Variants in MACROD2 observed in about 807,000 individuals in gnomAD.
MACROD2 encodes the protein mono-ADP ribosylhydrolase 2.
A neutral mutation model predicts 70.4 loss-of-function variants in MACROD2; 36 were observed. The ratio of observed to expected loss-of-function variants is 0.51; its 90% CI spans 0.39 to 0.68. The LOEUF (loss-of-function observed/expected upper bound fraction) is 0.68. MACROD2 is among the 30% of genes least tolerant of loss of function. MACROD2 has a pLI of 0.00. For missense variants in MACROD2, 496 were observed against 538.4 expected, an observed-to-expected ratio of 0.92 and a Z score of 0.78; for synonymous variants, 172 against 178.8, an observed-to-expected ratio of 0.96 and a Z score of 0.30.
At chr20:15,195,511 C>A (rs1299522244) in intron 5 of MACROD2, among the ~76,000 whole-genome samples, 1 of 151,984 alleles carries the variant, frequency 6.6e-6, no homozygotes, top group African/African-American at 2.4e-5. Flanking sequence ...TAGAAAAATG[C>A]AAATCAAAAC....
intron 15 of MACROD2, among the ~76,000 whole-genome samples, chr20:16,018,511 C>G (rs1186469562): frequency 1.3e-5 from 2 of 152,060 alleles, no homozygotes; most frequent in East Asian, 3.9e-4. Context: ...TCCTACTTTG[C>G]TGAGAAAATC....
At chr20:15,612,661 G>A (rs142015956) in intron 8 of MACROD2, among the ~76,000 whole-genome samples, 27 of 152,322 alleles carry the variant, frequency 1.8e-4, no homozygotes, top group African/African-American at 5.8e-4. Flanking sequence ...AGTCACAGAC[G>A]TTCCAATATT....
chr20:14,020,444 G>A (rs1485738087), intron 2 of MACROD2, among the ~76,000 whole-genome samples: 2 of 152,156 alleles, frequency 1.3e-5, no homozygotes, highest in Non-Finnish European at 2.9e-5. Context: ...TTGCACTCCA[G>A]CCTGGGCAAC....
chr20:14,383,580 A>G (rs966152530), intron 3 of MACROD2, among the ~76,000 whole-genome samples: 1 of 152,202 alleles, frequency 6.6e-6, no homozygotes, highest in Admixed American at 6.5e-5. Flanking sequence ...CTTTATGCAT[A>G]TCGAGTTCTA....
intron 15 of MACROD2, among the ~76,000 whole-genome samples, chr20:16,025,868 G>A (rs576181229): frequency 5.9e-5 from 9 of 152,128 alleles, no homozygotes; most frequent in South Asian, 2.1e-4. Context: ...AGAATTGGCC[G>A]GGCATGGTGG....
chr20:14,745,381 C>G (rs1180662087), intron 5 of MACROD2, among the ~76,000 whole-genome samples: 1 of 152,150 alleles, frequency 6.6e-6, no homozygotes, highest in African/African-American at 2.4e-5. Context: ...TAAGCAGCCA[C>G]CTAACATGTT....
intron 5 of MACROD2, among the ~76,000 whole-genome samples, chr20:14,875,092 G>A (rs781742339): frequency 2.6e-5 from 4 of 151,964 alleles, no homozygotes; most frequent in African/African-American, 9.7e-5. Context: ...ATTTAGAAAA[G>A]ACTATTTGGG....
At chr20:14,191,092 G>A (rs2081384451) in intron 3 of MACROD2, among the ~76,000 whole-genome samples, 1 of 151,450 alleles carries the variant, frequency 6.6e-6, no homozygotes, top group Non-Finnish European at 1.5e-5. Context: ...ACATTCGTGT[G>A]CATACTGTCC....
chr20:15,852,969 C>T (rs962936277), intron 8 of MACROD2, among the ~76,000 whole-genome samples: 1 of 152,060 alleles, frequency 6.6e-6, no homozygotes, highest in African/African-American at 2.4e-5. Context: ...TATGTTTGCA[C>T]CACTGCACTC....
At chr20:15,336,872 G>A (rs1019686688) in intron 6 of MACROD2, among the ~76,000 whole-genome samples, 4 of 151,732 alleles carry the variant, frequency 2.6e-5, no homozygotes, top group African/African-American at 9.7e-5. Flanking sequence ...TGAGGAGGGT[G>A]TATGCGGACT....
intron 5 of MACROD2, among the ~76,000 whole-genome samples, chr20:14,799,444 T>C (rs1421636258): frequency 2.6e-5 from 4 of 152,138 alleles, no homozygotes; most frequent in East Asian, 1.9e-4. Context: ...CTTAAAATTA[T>C]GTTTCAAAGG....
chr20:14,317,009 A>G (rs2082616962), intron 3 of MACROD2, among the ~76,000 whole-genome samples: 1 of 151,960 alleles, frequency 6.6e-6, no homozygotes, highest in Admixed American at 6.6e-5. Context: ...TGAAGTTCAG[A>G]CTCCTTATTC....
chr20:15,115,139 C>T (rs1001009794), intron 5 of MACROD2, among the ~76,000 whole-genome samples: 2 of 152,134 alleles, frequency 1.3e-5, no homozygotes, highest in South Asian at 2.1e-4. Context: ...CTATTTGTTG[C>T]AGTCAAAAAA....
intron 4 of MACROD2, among the ~76,000 whole-genome samples, chr20:14,558,607 A>G (rs995421948): frequency 6.6e-6 from 1 of 151,834 alleles, no homozygotes; most frequent in African/African-American, 2.4e-5. Context: ...TTGTATAATT[A>G]TAAAAAGAAC....
intron 3 of MACROD2, among the ~76,000 whole-genome samples, chr20:14,230,669 C>CATATATATATATATATATATATATATATA (rs1388842581): frequency 1.1e-5 from 1 of 92,922 alleles, no homozygotes; most frequent in Non-Finnish European, 1.9e-5. Context: ...CAGGCTGGGC[C>CATATATATATATATATATATATATATATA]TATATATATA....
At chr20:15,613,701 G>A (rs1230539083) in intron 8 of MACROD2, among the ~76,000 whole-genome samples, 4 of 152,190 alleles carry the variant, frequency 2.6e-5, no homozygotes, top group Non-Finnish European at 4.4e-5. Flanking sequence ...GCTGGGATTC[G>A]AATCCAGTCT....
In MACROD2 at chr20:15,349,598, T is replaced by TA. The variant is rs1324114112; in HGVS notation, c.541-81799dup. The stretch of plus-strand genomic sequence containing the variant: ...GGTGAAACCCCATCTACACTAAAAA[T>TA]AAAAAAAATTAGCTGGGCATGGGGG... On this transcript the variant is annotated intron_variant, in intron 6 of 17. Transcript: ENST00000684519. 4.6e-5 allele frequency among the ~76,000 whole-genome samples: 7 copies of TA among 151,150 alleles called. No homozygotes were observed. In the East Asian group the frequency reaches 5.9e-4, roughly 13 times the overall value.
intron 8 of MACROD2, among the ~76,000 whole-genome samples, chr20:15,687,105 C>G (rs1162127456): frequency 1.3e-5 from 2 of 150,524 alleles, no homozygotes; most frequent in Non-Finnish European, 2.9e-5. Context: ...GCAGCCCCTT[C>G]AGAATTGCTC....
intron 5 of MACROD2, among the ~76,000 whole-genome samples, chr20:15,176,765 A>T (rs964765590): frequency 1.2e-4 from 19 of 152,116 alleles, no homozygotes; most frequent in African/African-American, 4.6e-4. Flanking sequence ...GGGCTGAAAC[A>T]TGCTCCCCCT....
Sources: allele counts gnomAD v4.1 joint callset (sites outside exome capture counted in the v4.1 genomes callset), GRCh38; gene constraint gnomAD v4.1.1; transcripts MANE v1.5; gene names NCBI Gene and HGNC (gene_info 2026-07-23, HGNC 2026-07-21).